Variants in PLCB2 observed in about 807,000 individuals in gnomAD.
PLCB2 encodes the protein phospholipase C beta 2.
Under a neutral mutation model 141.7 loss-of-function variants are expected in PLCB2, and 115 were observed. The ratio of observed to expected loss-of-function variants is 0.81; its 90% CI spans 0.70 to 0.95. The LOEUF (loss-of-function observed/expected upper bound fraction) is 0.95, where lower values mean the gene tolerates loss of function less well. Ranked by LOEUF, PLCB2 falls within the 40% of genes least tolerant of loss-of-function variation. PLCB2 has a pLI of 0.00. For synonymous variants in PLCB2, 603 were observed against 595.6 expected, an observed-to-expected ratio of 1.01 and a Z score of -0.18; for missense variants, 1,403 against 1,541.1, an observed-to-expected ratio of 0.91 and a Z score of 1.50.
At position 40,289,316 on chromosome 15, in the gene PLCB2, TCTC is replaced by T. The variant is rs1370199518; in HGVS notation, c.3307_3309del (p.Glu1103del). 1.9e-6 allele frequency: 3 copies of T among 1,613,924 alleles called. No individual in the cohort carries two copies. Among genetic ancestry groups the T allele is most frequent in the East Asian group, 2.2e-5 (1 of 44,888 alleles). ...ATCTGTTCCAGGCAAGCCGCCTGCT[TCTC>T]CTCCAGCTTCTCCTGGTGCCTCTCC... On this transcript the variant is annotated inframe_deletion, in exon 31 of 32. Coordinates refer to ENST00000260402, the MANE Select transcript of PLCB2 (RefSeq NM_004573.3).
In PLCB2 at chr15:40,303,898, G is replaced by A. The variant is rs745829894; in HGVS notation, c.162+103C>T. ...TGGAGCCACCCTTCCAGGCCATTCT[G>A]TACTCCCCAGCATCCATGCCTCCAC... On this transcript the variant is annotated intron_variant, in intron 2 of 31. Coordinates refer to ENST00000260402, the MANE Select transcript of PLCB2 (RefSeq NM_004573.3). 5 of 795,270 alleles carry A rather than the reference G, an allele frequency of 6.3e-6. 1 individual carries two copies. In the South Asian group the frequency reaches 7.8e-5, roughly 12 times the overall value. 49.3% of individuals were successfully genotyped at this position (795,270 alleles called of 1,614,324 possible).
chr15:40,299,305 T>C lies in PLCB2; in HGVS notation c.583-77A>G. On this transcript the variant is annotated intron_variant, in intron 7 of 31. Coordinates refer to ENST00000260402, the MANE Select transcript of PLCB2 (RefSeq NM_004573.3). Reference sequence around the variant, plus strand: ...AACCACAAACTCGGCCCAGCCCTGGTCAAGGGGACCTGGTCAGAAGGCGGG... The same window carrying C: ...AACCACAAACTCGGCCCAGCCCTGGCCAAGGGGACCTGGTCAGAAGGCGGG... 3 of 958,148 alleles carry C rather than the reference T, an allele frequency of 3.1e-6. No individual in the cohort carries two copies. In the South Asian group the frequency reaches 4.0e-5, roughly 13 times the overall value. The allele number at this position is 958,148 out of a possible 1,614,324, so 59.4% of individuals were successfully genotyped here.
Position 40,305,117 on chromosome 15 carries a change from TC to T in PLCB2, c.85-1040del, listed in dbSNP as rs138771011. On this transcript the variant is annotated intron_variant, in intron 1 of 31. Coordinates refer to ENST00000260402, the MANE Select transcript of PLCB2 (RefSeq NM_004573.3). Reference sequence around the variant, plus strand: ...CCCAAGGGAGAGTTGGAGTGCCTGATCCCCCACCTTAAGCCTAGTGAGGGGT... The same window carrying T: ...CCCAAGGGAGAGTTGGAGTGCCTGATCCCCACCTTAAGCCTAGTGAGGGGT... 5.9e-3 allele frequency among the ~76,000 whole-genome samples: 886 copies of T among 151,272 alleles called. 10 individuals are homozygous for T. Among genetic ancestry groups the T allele is most frequent in the African/African-American group, 0.021 (855 of 41,252 alleles).
Position 40,291,307 on chromosome 15 carries a change from C to A in PLCB2, c.2828G>T (p.Gly943Val). 2 of 1,550,138 alleles carry A rather than the reference C, an allele frequency of 1.3e-6. No individual in the cohort carries two copies. The highest frequency in any genetic ancestry group is 2.4e-5 in the East Asian group (1 of 41,816). Residue 943 changes from glycine (G) to valine (V), a missense_variant, in exon 26 of 32, where the codon GGG becomes GTG. Coordinates refer to ENST00000260402, the MANE Select transcript of PLCB2 (RefSeq NM_004573.3). ...CTTGCCGGGACCGAGCTTGCAGGCC[C>A]CGACGCCCCCCACGCCCGGTGGCCC... is the stretch of plus-strand genomic sequence containing the variant. ...ELGPPGVGGVGACKLGPGKGS... is the reference protein window; with the variant it reads ...ELGPPGVGGVVACKLGPGKGS...
intron 11 of PLCB2, 91 bp from the exon 12 acceptor site, chr15:40,298,050 C>T (rs1285639257): frequency 1.7e-6 from 2 of 1,199,050 alleles, no homozygotes; most frequent in Non-Finnish European, 2.4e-6. Flanking sequence ...AGTTTCAATA[C>T]ACACATATAA....
At chr15:40,289,946 AGAGAGAGAG>A (rs1566869356) in intron 30 of PLCB2, 70 bp downstream of exon 30, 22 of 221,452 alleles carry the variant, frequency 9.9e-5, no homozygotes, top group Non-Finnish European at 1.7e-4. Context: ...AGAGAGAGAG[AGAGAGAGAG>A]AGAGAGAGAG....
chr15:40,295,396 A>C (rs1328670724), intron 16 of PLCB2, 111 bp from the exon 17 acceptor site: 1 of 726,308 alleles, frequency 1.4e-6, no homozygotes, highest in African/African-American at 1.8e-5. Flanking sequence ...CCTCCACCCC[A>C]GCATTTCCAC....
intron 7 of PLCB2, chr15:40,301,571 T>C (rs2040508261): frequency 1.4e-6 from 1 of 703,002 alleles, no homozygotes; most frequent in Non-Finnish European, 2.6e-6. Context: ...CCCTGCAGAC[T>C]GCCGCCTGCC....
intron 7 of PLCB2, chr15:40,301,357 C>A (rs2040495650): frequency 1.7e-6 from 1 of 588,022 alleles, no homozygotes; most frequent in African/African-American, 1.9e-5. Flanking sequence ...TAGCTCAGGG[C>A]CATATCAGCC....
Position 40,290,000 on chromosome 15 carries a change from TAGGAAGG to T in PLCB2, c.3267+18_3267+24del, listed in dbSNP as rs2039799555. On this transcript the variant is annotated intron_variant, in intron 30 of 31. Coordinates refer to ENST00000260402, the MANE Select transcript of PLCB2 (RefSeq NM_004573.3). ...GTGTGTGTGTGTGTGTGTGTGTGTT[TAGGAAGG>T]ACACAGCCCTTACACACCTGCTTGA... 3.1e-6 allele frequency: 4 copies of T among 1,301,048 alleles called. No homozygotes were observed. The East Asian group carries it at 9.2e-5, about 30-fold the overall frequency. 80.6% of individuals were successfully genotyped at this position (1,301,048 alleles called of 1,614,324 possible).
downstream of PLCB2, chr15:40,285,696 CTG>C: frequency 2.0e-6 from 2 of 985,436 alleles, no homozygotes; most frequent in Non-Finnish European, 2.4e-6. Context: ...CTTTTCAGCA[CTG>C]TGAGGGAAAT....
chr15:40,291,662 AC>A lies in PLCB2; in HGVS notation c.2603-13del. The A allele has an allele frequency of 6.2e-7, 1 of 1,612,538 alleles. No individual in the cohort carries two copies. Among genetic ancestry groups the A allele is most frequent in the Non-Finnish European group, 8.5e-7 (1 of 1,179,554 alleles). On this transcript the variant is annotated splice_polypyrimidine_tract_variant and intron_variant, in intron 24 of 31. Transcript: ENST00000260402. The stretch of plus-strand genomic sequence containing the variant: ...CCCGGCCCTGGCTGCTGCAAGAGCC[AC>A]GGGCTGGGCTGTCAGGTGCTCTGGG...
chr15:40,285,698 G>C, downstream of PLCB2: 1 of 985,390 alleles, frequency 1.0e-6, no homozygotes, highest in Non-Finnish European at 1.2e-6. Context: ...TTTCAGCACT[G>C]TGAGGGAAAT....
chr15:40,299,103 G>T, intron 8 of PLCB2, 25 bp downstream of exon 8: 1 of 1,588,462 alleles, frequency 6.3e-7, no homozygotes, highest in South Asian at 1.1e-5. Context: ...CTTTTCCCAT[G>T]ACCAGCACAA....
intron 20 of PLCB2, 98 bp from the exon 21 acceptor site, chr15:40,293,123 T>C (rs1054424407): frequency 4.2e-6 from 3 of 719,008 alleles, no homozygotes; most frequent in Non-Finnish European, 7.1e-6. Context: ...TGTGAGAACA[T>C]GGTGAGTGTC....
intron 13 of PLCB2, 62 bp from the exon 14 acceptor site, chr15:40,296,970 T>C: frequency 6.4e-7 from 1 of 1,557,688 alleles, no homozygotes; most frequent in South Asian, 1.1e-5. Flanking sequence ...CTGAGCTCCT[T>C]ATTACCAGGC....
In PLCB2 at chr15:40,290,766, C is replaced by T. The variant is rs201270122; in HGVS notation, c.3108G>A (p.Ser1036=). The change falls in exon 28 of 32, where the codon TCG becomes TCA. Residue 1036 remains serine, a synonymous_variant. Transcript: ENST00000260402. ...TGGGAGGGAGGCAGTCGTACTTCTC[C>T]GACGTCTCCTTCAGGGCCTTCAGCT... ...AAELKALKET[S]ENDTKEMKKK... The T allele has an allele frequency of 2.0e-4, 328 of 1,613,774 alleles. 1 individual carries two copies. The Middle Eastern group carries it at 3.1e-3, about 15-fold the overall frequency.
intron 20 of PLCB2, 92 bp downstream of exon 20, chr15:40,293,467 GA>G: frequency 8.0e-7 from 1 of 1,243,280 alleles, no homozygotes; most frequent in Non-Finnish European, 1.2e-6. Context: ...GGAGGAGGAG[GA>G]AGGTCAAGGA....
At chr15:40,303,762 T>A in intron 2 of PLCB2, 2 of 498,266 alleles carry the variant, frequency 4.0e-6, no homozygotes, top group Non-Finnish European at 7.3e-6. Flanking sequence ...CTTTCGCCTG[T>A]CTCTCTCTCT....
Sources: gnomAD v4.1 joint callset for allele counts (sites outside exome capture counted in the v4.1 genomes callset) on GRCh38, gnomAD v4.1.1 for gene constraint, MANE v1.5 for transcripts, NCBI Gene and HGNC (gene_info 2026-07-23, HGNC 2026-07-21) for gene names.